The following BUD13 variants were observed in gnomAD, a reference collection of about 807,000 sequenced individuals.
BUD13 encodes the protein BUD13 spliceosome associated protein.
A neutral mutation model predicts 62.5 loss-of-function variants in BUD13; 47 were observed. That is an observed-to-expected ratio of 0.75 (90% CI 0.60 to 0.96). The LOEUF is 0.96. BUD13 is among the 40% of genes least tolerant of loss of function. The probability of loss-of-function intolerance (pLI) is 0.00; values close to 1 mark genes in which losing one functional copy is unlikely to be tolerated. For missense variants in BUD13, 821 were observed against 790.9 expected (o/e 1.04, Z -0.46); for synonymous variants, 293 against 280.1 (o/e 1.05, Z -0.46).
chr11:116,770,293 TTA>T, intron 1 of BUD13, 71 bp from the exon 2 acceptor site: 1 of 1,409,938 alleles, frequency 7.1e-7, no homozygotes, highest in South Asian at 1.3e-5. Flanking sequence ...TCTATTGGTT[TTA>T]AAATAAAGTT....
At chr11:116,772,346 T>A (rs1417600837) in intron 1 of BUD13, among the ~76,000 whole-genome samples, 1 of 152,184 alleles carries the variant, frequency 6.6e-6, no homozygotes, top group Non-Finnish European at 1.5e-5. Context: ...GCAAGAAAAG[T>A]ATAACTATAT....
At chr11:116,763,287 G>A (rs1565314608) in intron 3 of BUD13, 21 bp from the exon 4 acceptor site, 3 of 1,518,332 alleles carry the variant, frequency 2.0e-6, no homozygotes, top group Middle Eastern at 1.8e-4. Context: ...ATAACAAAGA[G>A]TCAGATTCCC....
intron 2 of BUD13, among the ~76,000 whole-genome samples, chr11:116,769,378 T>A (rs610675): frequency 0.41 from 62,338 of 152,128 alleles, 12,897 homozygotes; most frequent in Middle Eastern, 0.45. Flanking sequence ...TAGGGTATAA[T>A]CTCTAAAATA....
intron 9 of BUD13, among the ~76,000 whole-genome samples, chr11:116,749,151 C>T (rs61905088): frequency 6.6e-6 from 1 of 152,030 alleles, no homozygotes; most frequent in Non-Finnish European, 1.5e-5. Flanking sequence ...ACTCTAAAAG[C>T]CTGGTTCTCT....
intron 9 of BUD13, among the ~76,000 whole-genome samples, chr11:116,750,342 C>G (rs1940211540): frequency 6.6e-6 from 1 of 152,182 alleles, no homozygotes; most frequent in African/African-American, 2.4e-5. Flanking sequence ...CCTTTAATTA[C>G]CATGCATTCT....
In BUD13 at chr11:116,771,733, T is replaced by C. The variant is rs183239360; in HGVS notation, c.143+1089A>G. Reference sequence around the variant, plus strand: ...CGAGGCAGAAAGACGAAGACAATAATAAGGCAAGCACCAAACCAGAAAAGA... The same window carrying C: ...CGAGGCAGAAAGACGAAGACAATAACAAGGCAAGCACCAAACCAGAAAAGA... On this transcript the variant is annotated intron_variant, in intron 1 of 9. Transcript: ENST00000260210. Among the ~76,000 whole-genome samples the C allele has an allele frequency of 2.6e-4, 39 of 152,286 alleles. No homozygotes were observed. The East Asian group carries it at 6.9e-3, about 27-fold the overall frequency.
chr11:116,767,137 A>C (rs1402404181), intron 2 of BUD13, among the ~76,000 whole-genome samples: 1 of 151,852 alleles, frequency 6.6e-6, no homozygotes, highest in Non-Finnish European at 1.5e-5. Context: ...GCAGTGAGCC[A>C]AGATTGAGCC....
intron 3 of BUD13, among the ~76,000 whole-genome samples, chr11:116,764,759 T>C (rs1477355166): frequency 6.6e-6 from 1 of 152,242 alleles, no homozygotes; most frequent in African/African-American, 2.4e-5. Context: ...GACTAGTCTA[T>C]GCTCAAACAG....
At chr11:116,765,561 A>G (rs1038001729) in intron 2 of BUD13, 115 bp from the exon 3 acceptor site, 2 of 1,046,932 alleles carry the variant, frequency 1.9e-6, no homozygotes, top group East Asian at 2.4e-5. Flanking sequence ...GCGTACATAT[A>G]TCCAAAATGG....
In BUD13 at chr11:116,760,971, T is replaced by TCTGTGTGA; in HGVS notation, c.1037-27_1037-20dup. 6.2e-7 allele frequency: 1 copy of TCTGTGTGA among 1,604,264 alleles called. No homozygotes were observed. The highest frequency in any genetic ancestry group is 1.1e-5 in the South Asian group (1 of 90,700). ...CAGTCACCTGGATAGGAGCAAAGAATCTGTGTGACTCTGATGTCCTCTAGG... is the reference window on the plus strand; with the variant it reads ...CAGTCACCTGGATAGGAGCAAAGAATCTGTGTGACTGTGTGACTCTGATGTCCTCTAGG... On this transcript the variant is annotated intron_variant, in intron 4 of 9. Coordinates refer to ENST00000260210, the MANE Select transcript of BUD13 (RefSeq NM_032725.4).
chr11:116,767,006 G>A (rs745767991), intron 2 of BUD13, among the ~76,000 whole-genome samples: 5 of 150,948 alleles, frequency 3.3e-5, no homozygotes, highest in Admixed American at 6.6e-5. Flanking sequence ...TAGGCAACAC[G>A]GTGAAACCCC....
chr11:116,763,510 A>T (rs1487130719), intron 3 of BUD13, among the ~76,000 whole-genome samples: 1 of 151,972 alleles, frequency 6.6e-6, no homozygotes, highest in South Asian at 2.1e-4. Context: ...TTCATATTAT[A>T]CCCTTTAAGG....
At chr11:116,767,662 G>C (rs894671946) in intron 2 of BUD13, among the ~76,000 whole-genome samples, 1 of 149,950 alleles carries the variant, frequency 6.7e-6, no homozygotes, top group African/African-American at 2.5e-5. Context: ...GTTTGCTATT[G>C]GTTTTGTTTT....
chr11:116,764,744 A>G (rs1940498757), intron 3 of BUD13, among the ~76,000 whole-genome samples: 1 of 152,242 alleles, frequency 6.6e-6, no homozygotes, highest in African/African-American at 2.4e-5. Flanking sequence ...TATCATGGCA[A>G]ATAAGACTAG....
intron 5 of BUD13, 68 bp downstream of exon 5, chr11:116,760,667 G>C (rs1270886367): frequency 6.7e-7 from 1 of 1,493,896 alleles, no homozygotes; most frequent in Non-Finnish European, 9.3e-7. Context: ...TTGATTCTCT[G>C]GGACATATAT....
At chr11:116,765,613 A>G (rs1009461173) in intron 2 of BUD13, among the ~76,000 whole-genome samples, 167 bp from the exon 3 acceptor site, 3 of 152,240 alleles carry the variant, frequency 2.0e-5, no homozygotes, top group African/African-American at 7.2e-5. Flanking sequence ...TGTTTGCTCC[A>G]TAAACATCTG....
chr11:116,771,888 A>G (rs1475776423), intron 1 of BUD13, among the ~76,000 whole-genome samples: 2 of 152,216 alleles, frequency 1.3e-5, no homozygotes, highest in Non-Finnish European at 2.9e-5. Flanking sequence ...GGAAGCTAGC[A>G]ATCTGAAATC....
At chr11:116,758,755 T>G (rs937440090) in intron 6 of BUD13, among the ~76,000 whole-genome samples, 1 of 150,782 alleles carries the variant, frequency 6.6e-6, no homozygotes, top group Non-Finnish European at 1.5e-5. Flanking sequence ...GCCTGGCTAG[T>G]TTTTTTTTGT....
intron 5 of BUD13, among the ~76,000 whole-genome samples, chr11:116,760,074 C>T (rs1940403920): frequency 6.6e-6 from 1 of 152,148 alleles, no homozygotes; most frequent in Non-Finnish European, 1.5e-5. Context: ...GAATTTAAAA[C>T]AAACCATTGA....
Sources: gnomAD v4.1 joint callset for allele counts (sites outside exome capture counted in the v4.1 genomes callset) on GRCh38, gnomAD v4.1.1 for gene constraint, MANE v1.5 for transcripts, NCBI Gene and HGNC (gene_info 2026-07-23, HGNC 2026-07-21) for gene names.